Variants in SCG3 observed in about 807,000 individuals in gnomAD.
SCG3 encodes secretogranin-3.
In SCG3, 38 loss-of-function variants were observed where a neutral mutation model predicts 56.2. That is an observed-to-expected ratio of 0.68 (90% CI 0.52 to 0.89). SCG3 has a LOEUF of 0.89. Among genes scored for constraint, SCG3 ranks in the 40% least tolerant of loss-of-function variants. The pLI is 0.00. For missense variants in SCG3, 524 were observed against 540.7 expected (o/e 0.97, Z 0.31); for synonymous variants, 176 against 184.2 (o/e 0.96, Z 0.36).
intron 10 of SCG3, 128 bp from the exon 11 acceptor site, chr15:51,713,205 G>C: frequency 4.7e-6 from 3 of 645,046 alleles, no homozygotes. Flanking sequence ...ACATTACCTA[G>C]TTAGGGAAAC....
chr15:51,682,780 G>T (rs911105801), intron 2 of SCG3, among the ~76,000 whole-genome samples: 1 of 152,138 alleles, frequency 6.6e-6, no homozygotes, highest in African/African-American at 2.4e-5. Flanking sequence ...TGAATACATA[G>T]AGTAACTATA....
rs543989230 is a variant in SCG3 at position 51,696,972 on chromosome 15, T to G, written c.985+981T>G. Among the ~76,000 whole-genome samples, 151 of 152,300 alleles carry G rather than the reference T, an allele frequency of 9.9e-4. 2 individuals are homozygous for G. The highest frequency in any genetic ancestry group is 3.5e-3 in the African/African-American group (145 of 41,558). On this transcript the variant is annotated intron_variant, in intron 8 of 11. Coordinates refer to ENST00000220478, the MANE Select transcript of SCG3 (RefSeq NM_013243.4). The stretch of plus-strand genomic sequence containing the variant: ...TTACTCTGGATGAACCTCATTTTTT[T>G]TCTAAATGAAAGTAGTTTTACTGGT...
intron 7 of SCG3, among the ~76,000 whole-genome samples, chr15:51,694,691 A>T (rs980586145): frequency 6.6e-6 from 1 of 152,196 alleles, no homozygotes; most frequent in Non-Finnish European, 1.5e-5. Flanking sequence ...TGGCATCATT[A>T]TCCATTTTGT....
rs763504576 is a variant in SCG3, at chr15:51,701,216, C to T, written c.1179C>T (p.Asn393=). 1 of 1,606,768 alleles carries T rather than the reference C, an allele frequency of 6.2e-7. No individual in the cohort carries two copies. The highest frequency in any genetic ancestry group is 1.7e-5 in the Admixed American group (1 of 58,446). The change falls in exon 10 of 12, where the codon AAC becomes AAT. Residue 393 remains asparagine (N), a synonymous_variant. Coordinates refer to ENST00000220478, the MANE Select transcript of SCG3 (RefSeq NM_013243.4). ...ATTCCACAAAAGATGATAACTCCAA[C>T]CCAGGAGGAAAGACAGATGAACCCA... ...LKDSTKDDNS[N]PGGKTDEPKG... is the part of the protein sequence containing the mutation.
intron 10 of SCG3, among the ~76,000 whole-genome samples, chr15:51,710,930 C>T (rs1380101145): frequency 6.6e-6 from 1 of 151,954 alleles, no homozygotes. Context: ...ATGTTGAGTT[C>T]CCTCCAAGGC....
chr15:51,714,488 G>A (rs749693573), intron 11 of SCG3, among the ~76,000 whole-genome samples: 2 of 152,192 alleles, frequency 1.3e-5, no homozygotes, highest in Admixed American at 6.5e-5. Flanking sequence ...ATTCTGACAC[G>A]ATTCCCAGGT....
At chr15:51,702,185 A>G (rs1240437634) in intron 10 of SCG3, among the ~76,000 whole-genome samples, 1 of 152,228 alleles carries the variant, frequency 6.6e-6, no homozygotes, top group Non-Finnish European at 1.5e-5. Flanking sequence ...CAAATTCAAT[A>G]TATCAAATTT....
intron 1 of SCG3, among the ~76,000 whole-genome samples, chr15:51,682,215 C>G (rs1402493425): frequency 6.6e-6 from 1 of 151,712 alleles, no homozygotes; most frequent in Non-Finnish European, 1.5e-5. Flanking sequence ...AAATTATGCT[C>G]TCTCTAGCTG....
rs2055358261 is a variant in SCG3 at position 51,704,252 on chromosome 15, T to TATATATATAC, written c.1207+3017_1207+3018insCATATATATA. On this transcript the variant is annotated intron_variant, in intron 10 of 11. Transcript: ENST00000220478. ...GTATACATACATACATACATATATATATATATATATATATATATATATATA... is the reference window on the plus strand; with the variant it reads ...GTATACATACATACATACATATATATATATATATACATATATATATATATATATATATATA... Among the ~76,000 whole-genome samples, 9 of 122,578 alleles carry TATATATATAC rather than the reference T, an allele frequency of 7.3e-5. No homozygotes were observed. The South Asian group carries it at 2.3e-3, about 32-fold the overall frequency. 80.4% of individuals were successfully genotyped at this position (122,578 alleles called of 152,430 possible).
chr15:51,713,130 C>A, intron 10 of SCG3: 1 of 371,194 alleles, frequency 2.7e-6, no homozygotes, highest in Non-Finnish European at 4.9e-6. Context: ...GAACCTCATC[C>A]GCACCTGCTC....
intron 10 of SCG3, among the ~76,000 whole-genome samples, chr15:51,703,192 T>A (rs1002999224): frequency 6.6e-6 from 1 of 152,194 alleles, no homozygotes; most frequent in Non-Finnish European, 1.5e-5. Flanking sequence ...TTGCCCATGG[T>A]ATAGCTCTTA....
chr15:51,692,390 T>C, intron 7 of SCG3, 54 bp downstream of exon 7: 1 of 1,468,028 alleles, frequency 6.8e-7, no homozygotes, highest in Non-Finnish European at 9.4e-7. Flanking sequence ...TTCCAGGAAA[T>C]GTATGGGTGT....
chr15:51,689,144 A>T, intron 5 of SCG3, 75 bp from the exon 6 acceptor site: 1 of 1,437,242 alleles, frequency 7.0e-7, no homozygotes, highest in Non-Finnish European at 9.6e-7. Flanking sequence ...GTTTGACTAC[A>T]GTTTAGTCCA....
intron 11 of SCG3, among the ~76,000 whole-genome samples, chr15:51,715,426 T>C (rs2622777): frequency 0.76 from 115,073 of 151,936 alleles, 44,490 homozygotes; most frequent in Non-Finnish European, 0.83. Context: ...CTATTAGTTC[T>C]GACCTTTCTT....
At position 51,682,044 on chromosome 15, in the gene SCG3, G is replaced by A. The variant is rs1296634536; in HGVS notation, c.82+207G>A. Among the ~76,000 whole-genome samples the A allele has an allele frequency of 2.6e-5, 4 of 152,116 alleles. No individual in the cohort carries two copies. In the South Asian group the frequency reaches 6.2e-4, roughly 24 times the overall value. ...TTAAAATGATAGAGCAATAATATGG[G>A]TTGTTTTTAAAGATCTTATTTTGAA... is the stretch of plus-strand genomic sequence containing the variant. On this transcript the variant is annotated intron_variant, in intron 1 of 11. Transcript: ENST00000220478.
Position 51,699,403 on chromosome 15 carries a change from G to T in SCG3, c.1069+1G>T. 1 of 1,584,326 alleles carries T rather than the reference G, an allele frequency of 6.3e-7. No individual in the cohort carries two copies. The highest frequency in any genetic ancestry group is 8.6e-7 in the Non-Finnish European group (1 of 1,161,690). ...GACAATATAAGCAAGCTTTTCCCAGGTATGATTATTTAACTATTTTTTTAG... is the reference window on the plus strand; with the variant it reads ...GACAATATAAGCAAGCTTTTCCCAGTTATGATTATTTAACTATTTTTTTAG... On this transcript the variant is annotated splice_donor_variant, in intron 9 of 11. Transcript: ENST00000220478. LOFTEE classifies it high-confidence loss of function.
chr15:51,711,300 T>C (rs1003454420), intron 10 of SCG3, among the ~76,000 whole-genome samples: 3 of 152,250 alleles, frequency 2.0e-5, no homozygotes, highest in Admixed American at 6.5e-5. Context: ...TTTAATGCAG[T>C]GTCTAAACAG....
chr15:51,709,354 T>C (rs1301271114), intron 10 of SCG3, among the ~76,000 whole-genome samples: 1 of 152,058 alleles, frequency 6.6e-6, no homozygotes, highest in Non-Finnish European at 1.5e-5. Context: ...AGATGAGACT[T>C]GGGTGGGGAC....
At chr15:51,683,871 C>T (rs1392868136) in intron 4 of SCG3, among the ~76,000 whole-genome samples, 1 of 152,182 alleles carries the variant, frequency 6.6e-6, no homozygotes, top group African/African-American at 2.4e-5. Flanking sequence ...TCATCCTAAC[C>T]TTTACGTGGC....
Sources: gnomAD v4.1 joint callset for allele counts (sites outside exome capture counted in the v4.1 genomes callset) on GRCh38, gnomAD v4.1.1 for gene constraint, MANE v1.5 for transcripts, NCBI Gene and HGNC (gene_info 2026-07-23, HGNC 2026-07-21) for gene names.